PRKAR1B: variants seen among roughly 807,000 people sequenced by gnomAD.
PRKAR1B encodes protein kinase cAMP-dependent type I regulatory subunit beta.
PRKAR1B carries 22 observed loss-of-function variants against 46.5 expected under a neutral mutation model. That is an observed-to-expected ratio of 0.47 (90% CI 0.34 to 0.68). PRKAR1B has a LOEUF of 0.68. Among genes scored for constraint, PRKAR1B ranks in the 30% least tolerant of loss-of-function variants. The pLI, the probability that PRKAR1B is intolerant of heterozygous loss-of-function variation, is 0.01. For synonymous variants in PRKAR1B, 259 were observed against 217.7 expected (o/e 1.19, Z -1.67); for missense variants, 445 against 535.6 (o/e 0.83, Z 1.67).
At chr7:584,914 G>A (rs1373562834) in intron 7 of PRKAR1B, among the ~76,000 whole-genome samples, 1 of 152,118 alleles carries the variant, frequency 6.6e-6, no homozygotes, top group East Asian at 1.9e-4. Flanking sequence ...TGAAGGGCAG[G>A]GAGCTCATAA....
chr7:680,623 C>T lies in PRKAR1B; in HGVS notation c.281G>A (p.Arg94His), dbSNP rs778958450. 1.2e-5 allele frequency: 18 copies of T among 1,537,134 alleles called. No homozygotes were observed. Among genetic ancestry groups the T allele is most frequent in the Admixed American group, 1.7e-5 (1 of 57,312 alleles). Residue 94 changes from arginine to histidine, a missense_variant, in exon 3 of 11, where the codon CGC (arginine) becomes CAC (histidine). Coordinates refer to ENST00000537384, the MANE Select transcript of PRKAR1B (RefSeq NM_001164760.2). ...GGCACTCACGCCTCCTCGCCGGCGG[C>T]GGGCCTTCACCACAGGGTTCGGGGG... ...PTPPNPVVKA[R>H]RRRGGVSAEV...
chr7:571,000 C>T (rs556480107), intron 9 of PRKAR1B, among the ~76,000 whole-genome samples: 54 of 152,348 alleles, frequency 3.5e-4, no homozygotes, highest in Non-Finnish European at 5.6e-4. Flanking sequence ...GGCGTGTCTG[C>T]GGCCCACGGC....
At chr7:660,550 G>A (rs1346737705) in intron 4 of PRKAR1B, among the ~76,000 whole-genome samples, 193 of 64,828 alleles carry the variant, frequency 3.0e-3, no homozygotes, top group South Asian at 3.3e-3. Flanking sequence ...ACCCCAACGG[G>A]TCCAAATACC....
intron 9 of PRKAR1B, among the ~76,000 whole-genome samples, chr7:556,053 C>T (rs1243680561): frequency 3.3e-5 from 5 of 152,140 alleles, no homozygotes; most frequent in African/African-American, 7.2e-5. Flanking sequence ...GCATATGCCC[C>T]GGGAGTGGCC....
intron 9 of PRKAR1B, among the ~76,000 whole-genome samples, chr7:563,208 C>T (rs1372651441): frequency 6.6e-6 from 1 of 152,198 alleles, no homozygotes; most frequent in Non-Finnish European, 1.5e-5. Flanking sequence ...GAGCTGATGC[C>T]CCGTGCCCTC....
intron 2 of PRKAR1B, among the ~76,000 whole-genome samples, chr7:710,728 C>T (rs1267538182): frequency 3.3e-5 from 5 of 151,216 alleles, no homozygotes; most frequent in Admixed American, 6.6e-5. Flanking sequence ...TCACTGCAGC[C>T]TCCACCTCCC....
chr7:690,929 G>T (rs1201160434), intron 2 of PRKAR1B, among the ~76,000 whole-genome samples: 2 of 152,214 alleles, frequency 1.3e-5, no homozygotes, highest in African/African-American at 4.8e-5. Context: ...GCCACCACAG[G>T]CTCCTCTCAG....
chr7:583,988 G>C (rs943379095), intron 8 of PRKAR1B, among the ~76,000 whole-genome samples: 1 of 152,206 alleles, frequency 6.6e-6, no homozygotes, highest in Non-Finnish European at 1.5e-5. Flanking sequence ...AGGTGAAAGG[G>C]CCCTGGGCAC....
At chr7:575,804 G>A (rs1453856200) in intron 9 of PRKAR1B, among the ~76,000 whole-genome samples, 2 of 152,086 alleles carry the variant, frequency 1.3e-5, no homozygotes, top group Admixed American at 6.5e-5. Flanking sequence ...TGAATGCCTG[G>A]GCTCGAGTGA....
intron 2 of PRKAR1B, among the ~76,000 whole-genome samples, chr7:687,825 G>A (rs1779172389): frequency 1.3e-5 from 2 of 152,312 alleles, no homozygotes; most frequent in South Asian, 4.1e-4. Context: ...GCCGGGCATG[G>A]TGGCTCATGC....
At position 644,426 on chromosome 7, in the gene PRKAR1B, G is replaced by A. The variant is rs576916301; in HGVS notation, c.440+32803C>T. Among the ~76,000 whole-genome samples the A allele has an allele frequency of 2.6e-5, 4 of 152,214 alleles. No homozygotes were observed. The South Asian group carries it at 8.3e-4, about 32-fold the overall frequency. ...CCTTGGGTGTGCAGAGGCTGAGGGGGGTCTCCACGGGAAGCCCTCTCTGCC... is the reference window on the plus strand; with the variant it reads ...CCTTGGGTGTGCAGAGGCTGAGGGGAGTCTCCACGGGAAGCCCTCTCTGCC... On this transcript the variant is annotated intron_variant, in intron 4 of 10. Coordinates refer to ENST00000537384, the MANE Select transcript of PRKAR1B (RefSeq NM_001164760.2). This position sits in a 1 kb window ranked among gnomAD's most constrained non-coding sequence, Gnocchi z 4.9.
In PRKAR1B at chr7:602,214, G is replaced by C. The variant is rs565519584; in HGVS notation, c.549+3979C>G. ...CTCAGGGCTGGAGGAAACGGTCCCT[G>C]CTTTGAAGTGGCTCCGGCACCGGCC... On this transcript the variant is annotated intron_variant, in intron 6 of 10. Coordinates refer to ENST00000537384, the MANE Select transcript of PRKAR1B (RefSeq NM_001164760.2). The surrounding 1 kb of genome is among the most constrained non-coding windows in gnomAD (Gnocchi z 6.4). 6.6e-5 allele frequency among the ~76,000 whole-genome samples: 10 copies of C among 152,256 alleles called. No individual in the cohort carries two copies. In the East Asian group the frequency reaches 1.9e-3, roughly 30 times the overall value.
chr7:693,491 G>A (rs752313327), intron 2 of PRKAR1B, among the ~76,000 whole-genome samples: 11 of 151,824 alleles, frequency 7.2e-5, no homozygotes, highest in East Asian at 1.9e-4. Context: ...TCACAGAAGC[G>A]GAATTGCGCA....
chr7:574,447 A>ATTTTT (rs71546451), intron 9 of PRKAR1B, among the ~76,000 whole-genome samples: 1 of 145,748 alleles, frequency 6.9e-6, no homozygotes. Flanking sequence ...ACAGATCCAG[A>ATTTTT]TTTTTTTTTT....
intron 4 of PRKAR1B, among the ~76,000 whole-genome samples, chr7:650,129 G>A (rs935199670): frequency 1.3e-5 from 2 of 152,100 alleles, no homozygotes; most frequent in Non-Finnish European, 2.9e-5. Context: ...GTAGTGCCTT[G>A]TTTATAAGAA....
At chr7:556,795 C>T (rs1778472095) in intron 9 of PRKAR1B, among the ~76,000 whole-genome samples, 1 of 152,362 alleles carries the variant, frequency 6.6e-6, no homozygotes, top group Admixed American at 6.5e-5. Context: ...CCCAGTAGAG[C>T]TGTGTCTTGA....
intron 4 of PRKAR1B, among the ~76,000 whole-genome samples, chr7:639,677 C>G (rs1784289352): frequency 6.6e-6 from 1 of 151,960 alleles, no homozygotes; most frequent in African/African-American, 2.4e-5. Context: ...GAGTGGGACC[C>G]CATCTCTACA....
chr7:560,419 C>T lies in PRKAR1B; in HGVS notation c.892-8949G>A, dbSNP rs961048104. On this transcript the variant is annotated intron_variant, in intron 9 of 10. Transcript: ENST00000537384. The surrounding 1 kb of genome is among the most constrained non-coding windows in gnomAD (Gnocchi z 4.2). Reference sequence around the variant, plus strand: ...ATATTTTAAAAGAAACTTTGTATCACGACCATAAATGGAAACTGCTATCAC... The same window carrying T: ...ATATTTTAAAAGAAACTTTGTATCATGACCATAAATGGAAACTGCTATCAC... Among the ~76,000 whole-genome samples the T allele has an allele frequency of 5.3e-5, 8 of 151,372 alleles. No homozygotes were observed. Among genetic ancestry groups the T allele is most frequent in the Non-Finnish European group, 1.0e-4 (7 of 67,880 alleles).
In PRKAR1B at chr7:644,392, T is replaced by G. The variant is rs971028327; in HGVS notation, c.440+32837A>C. 6.6e-6 allele frequency among the ~76,000 whole-genome samples: 1 copy of G among 152,078 alleles called. No individual in the cohort carries two copies. Among genetic ancestry groups the G allele is most frequent in the African/African-American group, 2.4e-5 (1 of 41,412 alleles). On this transcript the variant is annotated intron_variant, in intron 4 of 10. Coordinates refer to ENST00000537384, the MANE Select transcript of PRKAR1B (RefSeq NM_001164760.2). This position sits in a 1 kb window ranked among gnomAD's most constrained non-coding sequence, Gnocchi z 4.9. ...GAGGCGCGCACATTCGGAACGGGGT[T>G]TTGCTCCTCCTTGGGTGTGCAGAGG...
Sources: gnomAD v4.1 joint callset for allele counts (sites outside exome capture counted in the v4.1 genomes callset) on GRCh38, gnomAD v4.1.1 for gene constraint, Gnocchi (gnomAD v3.1) non-coding constraint, MANE v1.5 for transcripts, NCBI Gene and HGNC (gene_info 2026-07-23, HGNC 2026-07-21) for gene names.